PTPRT: variants seen among roughly 807,000 people sequenced by gnomAD.
PTPRT encodes the protein protein tyrosine phosphatase receptor type T.
Under a neutral mutation model 176.8 loss-of-function variants are expected in PTPRT, and 56 were observed. The ratio of observed to expected loss-of-function variants is 0.32; its 90% confidence interval spans 0.26 to 0.40. PTPRT has a LOEUF of 0.40. Ranked by LOEUF, PTPRT falls within the 10% of genes least tolerant of loss-of-function variation. PTPRT has a pLI of 1.00. For synonymous variants in PTPRT, 783 were observed against 739.0 expected (o/e 1.06, Z -0.96); for missense variants, 1,540 against 1,908.2 (o/e 0.81, Z 3.60).
chr20:42,223,349 T>C (rs1269359865), intron 15 of PTPRT, among the ~76,000 whole-genome samples: 1 of 152,186 alleles, frequency 6.6e-6, no homozygotes, highest in Non-Finnish European at 1.5e-5. Flanking sequence ...AATTTACAGA[T>C]GAGAGAACAG....
chr20:43,180,367 C>CTCTCTCTCTG (rs1174757778), intron 1 of PTPRT, among the ~76,000 whole-genome samples: 2 of 151,532 alleles, frequency 1.3e-5, no homozygotes, highest in Non-Finnish European at 2.9e-5. Flanking sequence ...CTCTCTCTCT[C>CTCTCTCTCTG]TCTCTGCCCC....
Position 42,518,457 on chromosome 20 carries a change from G to C in PTPRT, c.1154-45895C>G, listed in dbSNP as rs1601176498. ...TGTCTGGATTTCTTTCATGGTCACA[G>C]TTAACAGAATTTAGGTATTCCTTTT... On this transcript the variant is annotated intron_variant, in intron 7 of 30. Transcript: ENST00000373187. 3.3e-5 allele frequency among the ~76,000 whole-genome samples: 5 copies of C among 152,142 alleles called. No homozygotes were observed. The South Asian group carries it at 1.0e-3, about 32-fold the overall frequency.
chr20:42,434,290 G>A (rs1022692916), intron 9 of PTPRT, among the ~76,000 whole-genome samples: 13 of 151,796 alleles, frequency 8.6e-5, no homozygotes, highest in Non-Finnish European at 4.4e-5. Flanking sequence ...TATCTCTTAC[G>A]CCTGTTGCCT....
intron 7 of PTPRT, among the ~76,000 whole-genome samples, chr20:42,513,936 T>G (rs1388839836): frequency 6.6e-6 from 1 of 152,188 alleles, no homozygotes. Context: ...TGTGTGGAAT[T>G]CATCCATTTT....
chr20:42,747,954 G>A (rs1019828915), intron 6 of PTPRT, among the ~76,000 whole-genome samples: 4 of 152,194 alleles, frequency 2.6e-5, no homozygotes, highest in African/African-American at 9.7e-5. Flanking sequence ...AGTGGAGCAG[G>A]GAGGAAGCTG....
At chr20:42,602,998 G>C (rs1297233669) in intron 7 of PTPRT, among the ~76,000 whole-genome samples, 1 of 152,136 alleles carries the variant, frequency 6.6e-6, no homozygotes, top group Non-Finnish European at 1.5e-5. Context: ...GGGGTGCTCT[G>C]TTCCCTTCAC....
intron 1 of PTPRT, among the ~76,000 whole-genome samples, chr20:42,953,233 G>C (rs762210218): frequency 3.3e-5 from 5 of 152,162 alleles, no homozygotes; most frequent in Non-Finnish European, 2.9e-5. Flanking sequence ...AGGCGGGGAG[G>C]GTAGACAGAG....
intron 9 of PTPRT, among the ~76,000 whole-genome samples, chr20:42,414,479 T>C (rs1244010968): frequency 6.6e-6 from 1 of 152,200 alleles, no homozygotes; most frequent in Admixed American, 6.5e-5. Context: ...CAGTTATTAT[T>C]TGCAGGTCAG....
chr20:43,154,997 C>T (rs1350372474), intron 1 of PTPRT, among the ~76,000 whole-genome samples: 1 of 151,988 alleles, frequency 6.6e-6, no homozygotes, highest in African/African-American at 2.4e-5. Context: ...ACAACTACAA[C>T]GAGATATCAT....
chr20:42,479,939 C>T (rs767027198), intron 7 of PTPRT, among the ~76,000 whole-genome samples: 37 of 152,248 alleles, frequency 2.4e-4, no homozygotes, highest in Admixed American at 1.4e-3. Context: ...GGTAATTCCA[C>T]AATATAGAAG....
intron 11 of PTPRT, among the ~76,000 whole-genome samples, chr20:42,323,504 G>A (rs555781917): frequency 1.5e-4 from 23 of 151,510 alleles, no homozygotes; most frequent in South Asian, 4.2e-4. Flanking sequence ...GCAAACTATC[G>A]CAAGGACAAA....
At chr20:42,328,230 C>T (rs2057913552) in intron 11 of PTPRT, among the ~76,000 whole-genome samples, 1 of 152,018 alleles carries the variant, frequency 6.6e-6, no homozygotes, top group Non-Finnish European at 1.5e-5. Context: ...TCTGAAAAGC[C>T]TTTGTTACTA....
chr20:42,661,999 TG>T (rs1390284759), intron 7 of PTPRT, among the ~76,000 whole-genome samples: 1 of 152,136 alleles, frequency 6.6e-6, no homozygotes, highest in Non-Finnish European at 1.5e-5. Flanking sequence ...ACCAAGCTCT[TG>T]ATAGAGTGAG....
chr20:42,234,255 C>T (rs1371073309), intron 15 of PTPRT, among the ~76,000 whole-genome samples: 1 of 152,188 alleles, frequency 6.6e-6, no homozygotes, highest in Non-Finnish European at 1.5e-5. Flanking sequence ...CATCTCATCT[C>T]CTCTTCACAG....
rs539095442 is a variant in PTPRT at position 42,124,164 on chromosome 20, C to A, written c.2848-4193G>T. Reference sequence around the variant, plus strand: ...AGCAAAGGAGATAAAAGGAAACGTACTGCTCAATTGGGGCTCCTCTGGGGA... The same window carrying A: ...AGCAAAGGAGATAAAAGGAAACGTAATGCTCAATTGGGGCTCCTCTGGGGA... On this transcript the variant is annotated intron_variant, in intron 19 of 30. Transcript: ENST00000373187. 3.9e-5 allele frequency among the ~76,000 whole-genome samples: 6 copies of A among 152,348 alleles called. 1 individual carries two copies. In the South Asian group the frequency reaches 1.2e-3, roughly 32 times the overall value.
At chr20:42,472,820 C>A (rs545675860) in intron 7 of PTPRT, among the ~76,000 whole-genome samples, 35 of 152,212 alleles carry the variant, frequency 2.3e-4, no homozygotes, top group South Asian at 8.3e-4. Context: ...TAAATGTTAA[C>A]CATAAAAATA....
At chr20:42,663,872 C>T (rs6072819) in intron 7 of PTPRT, among the ~76,000 whole-genome samples, 52,072 of 151,984 alleles carry the variant, frequency 0.34, 9,190 homozygotes, top group Admixed American at 0.38. Flanking sequence ...ACTCTCCAAT[C>T]GTTGGTGCAT....
intron 26 of PTPRT, among the ~76,000 whole-genome samples, chr20:42,099,797 G>C (rs1985744541): frequency 6.8e-6 from 1 of 146,176 alleles, no homozygotes; most frequent in Admixed American, 6.9e-5. Context: ...TGCAAACATG[G>C]ATATCATGCG....
chr20:42,373,131 A>G (rs2058608693), intron 9 of PTPRT, among the ~76,000 whole-genome samples: 1 of 152,192 alleles, frequency 6.6e-6, no homozygotes, highest in South Asian at 2.1e-4. Context: ...TGCAGTATAC[A>G]TTGCGTTATT....
Sources: allele counts gnomAD v4.1 joint callset (sites outside exome capture counted in the v4.1 genomes callset), GRCh38; gene constraint gnomAD v4.1.1; transcripts MANE v1.5; gene names NCBI Gene and HGNC (gene_info 2026-07-23, HGNC 2026-07-21).